ZNF565: variants seen among roughly 807,000 people sequenced by gnomAD.
The protein encoded by ZNF565 is zinc finger protein 565.
ZNF565 carries 27 observed loss-of-function variants against 39.4 expected under a neutral mutation model. That is an observed-to-expected ratio of 0.69 (90% CI 0.51 to 0.95). The LOEUF is 0.95. Among genes scored for constraint, ZNF565 ranks in the 40% least tolerant of loss-of-function variants. ZNF565 has a pLI of 0.00. For synonymous variants in ZNF565, 185 were observed against 216.6 expected, an observed-to-expected ratio of 0.85 and a Z score of 1.28; for missense variants, 524 against 621.1, an observed-to-expected ratio of 0.84 and a Z score of 1.66.
chr19:36,191,549 G>A (rs937124433), intron 4 of ZNF565, among the ~76,000 whole-genome samples: 2 of 152,110 alleles, frequency 1.3e-5, no homozygotes, highest in African/African-American at 4.8e-5. Flanking sequence ...GAGAATGTGG[G>A]TGTGTTGAGA....
intron 1 of ZNF565, among the ~76,000 whole-genome samples, chr19:36,228,994 C>G (rs4806284): frequency 0.28 from 43,126 of 152,070 alleles, 6,979 homozygotes; most frequent in African/African-American, 0.45. Flanking sequence ...TATTCTTCTT[C>G]TTTCACCAGA....
chr19:36,243,476 A>G (rs768460895), intron 1 of ZNF565, among the ~76,000 whole-genome samples: 2 of 152,344 alleles, frequency 1.3e-5, no homozygotes, highest in Non-Finnish European at 2.9e-5. Context: ...GAAGATTCAG[A>G]AATACAAGTA....
upstream of ZNF565, among the ~76,000 whole-genome samples, chr19:36,216,298 A>G (rs1976602729): frequency 6.6e-6 from 1 of 152,128 alleles, no homozygotes; most frequent in African/African-American, 2.4e-5. Context: ...AAATAAATAT[A>G]CCATGTGACA....
At chr19:36,190,053 C>A (rs1193191162) in intron 4 of ZNF565, among the ~76,000 whole-genome samples, 1 of 151,854 alleles carries the variant, frequency 6.6e-6, no homozygotes, top group South Asian at 2.1e-4. Context: ...AGACTGGTTT[C>A]GAACTCCTGA....
upstream of ZNF565, among the ~76,000 whole-genome samples, chr19:36,218,505 G>A (rs926790654): frequency 2.7e-5 from 4 of 150,844 alleles, no homozygotes; most frequent in South Asian, 2.1e-4. Flanking sequence ...TCTCACTGTC[G>A]CCCAGGCTGC....
intron 4 of ZNF565, among the ~76,000 whole-genome samples, chr19:36,186,209 C>T (rs2145299082): frequency 6.6e-6 from 1 of 152,248 alleles, no homozygotes; most frequent in East Asian, 1.9e-4. Context: ...GTTAGCTAGG[C>T]TGGTCTCCTG....
chr19:36,193,045 G>A (rs1252420756), intron 4 of ZNF565, among the ~76,000 whole-genome samples: 1 of 152,114 alleles, frequency 6.6e-6, no homozygotes, highest in Admixed American at 6.6e-5. Flanking sequence ...GCCCAGGCTG[G>A]AGTGCAGTGG....
chr19:36,237,142 T>C (rs758267592), intron 1 of ZNF565: 5 of 1,614,118 alleles, frequency 3.1e-6, no homozygotes. Context: ...TGAGAAGCCA[T>C]ACAGGGGAGA....
chr19:36,188,711 C>CAAAAA (rs537452721), intron 4 of ZNF565, among the ~76,000 whole-genome samples: 1 of 76,038 alleles, frequency 1.3e-5, no homozygotes, highest in Non-Finnish European at 2.8e-5. Context: ...GACTCCGTCT[C>CAAAAA]AAAAAAAAAA....
intron 1 of ZNF565, among the ~76,000 whole-genome samples, chr19:36,206,606 G>A (rs576108575): frequency 8.5e-5 from 13 of 152,262 alleles, no homozygotes; most frequent in Non-Finnish European, 1.6e-4. Flanking sequence ...CGAGGCACGC[G>A]GATCACTTGA....
At position 36,195,093 on chromosome 19, in the gene ZNF565, G is replaced by C. The variant is rs762072516; in HGVS notation, c.73C>G (p.Pro25Ala). The C allele has an allele frequency of 3.4e-5, 55 of 1,614,034 alleles. No individual in the cohort carries two copies. The highest frequency in any genetic ancestry group is 4.6e-5 in the Non-Finnish European group (54 of 1,180,044). The change falls in exon 3 of 5, where the codon CCT becomes GCT. Residue 25 changes from proline to alanine, a missense_variant. By Grantham distance (27) the Pro-to-Ala change is conservative. Coordinates refer to ENST00000304116, the MANE Select transcript of ZNF565 (RefSeq NM_152477.5). ...TCCCTGTACAAGTCCCTCTGAGCAG[G>C]TTCCAGGCACTTCCATTCTTCCAGA... The part of the protein sequence containing the change: ...FSLEEWKCLE[P>A]AQRDLYREVT...
At position 36,183,745 on chromosome 19, in the gene ZNF565, G is replaced by A; in HGVS notation, c.233-12C>T. 1.3e-6 allele frequency: 2 copies of A among 1,592,568 alleles called. No individual in the cohort carries two copies. Among genetic ancestry groups the A allele is most frequent in the Admixed American group, 1.8e-5 (1 of 54,494 alleles). On this transcript the variant is annotated splice_polypyrimidine_tract_variant and intron_variant, in intron 4 of 4. Coordinates refer to ENST00000304116, the MANE Select transcript of ZNF565 (RefSeq NM_152477.5). ...CCTGGACTCCAAGTCTGAAAAATAA[G>A]AAAAAGATAAATACAAGCTGTGATC...
intron 1 of ZNF565, among the ~76,000 whole-genome samples, chr19:36,210,918 A>T (rs1468550788): frequency 6.6e-6 from 1 of 152,126 alleles, no homozygotes; most frequent in Non-Finnish European, 1.5e-5. Flanking sequence ...AATAATAAAA[A>T]TAGTAAATAA....
At chr19:36,230,592 C>G (rs1977291045) in intron 1 of ZNF565, among the ~76,000 whole-genome samples, 1 of 152,072 alleles carries the variant, frequency 6.6e-6, no homozygotes, top group African/African-American at 2.4e-5. Flanking sequence ...GGTGGAAGAT[C>G]ATTAGCCAGA....
intron 1 of ZNF565, among the ~76,000 whole-genome samples, chr19:36,222,838 C>CT (rs371500908): frequency 0.052 from 4,104 of 78,194 alleles, 209 homozygotes; most frequent in African/African-American, 0.15. Flanking sequence ...ACAGTGGTTT[C>CT]TTTTTTTTTT....
chr19:36,182,351 T>C lies in ZNF565; in HGVS notation c.*115A>G, dbSNP rs1975115232. ...GTGTGAGTTTTCTGATGTTCTATGA[T>C]GGAAGTGACAGGTGTTTTCTGACAT... On this transcript the variant is annotated 3_prime_UTR_variant, in exon 5 of 5. Transcript: ENST00000304116. 1 of 831,592 alleles carries C rather than the reference T, an allele frequency of 1.2e-6. No homozygotes were observed. Among genetic ancestry groups the C allele is most frequent in the African/African-American group, 1.7e-5 (1 of 58,908 alleles). The allele number at this position is 831,592 out of a possible 1,614,324, so 51.5% of individuals were successfully genotyped here.
chr19:36,191,468 G>A (rs1975540039), intron 4 of ZNF565, among the ~76,000 whole-genome samples: 1 of 151,948 alleles, frequency 6.6e-6, no homozygotes, highest in Admixed American at 6.6e-5. Context: ...TGATTTCAGG[G>A]CTGAGGCAGG....
rs1435005968 is a variant in ZNF565, at chr19:36,190,882, C to G, written c.232+3351G>C. 2.7e-5 allele frequency among the ~76,000 whole-genome samples: 4 copies of G among 150,496 alleles called. No homozygotes were observed. The East Asian group carries it at 7.9e-4, about 30-fold the overall frequency. On this transcript the variant is annotated intron_variant, in intron 4 of 4. Coordinates refer to ENST00000304116, the MANE Select transcript of ZNF565 (RefSeq NM_152477.5). The stretch of plus-strand genomic sequence containing the variant: ...TGGCGCACTCCTGTATTCCCAACTA[C>G]TTGGGAAGCTGAGGCAGGAGAATTG...
chr19:36,199,576 C>T (rs1426177743), intron 2 of ZNF565, among the ~76,000 whole-genome samples: 2 of 144,456 alleles, frequency 1.4e-5, no homozygotes, highest in Admixed American at 7.5e-5. Flanking sequence ...GGCATGATCT[C>T]GGCTCACTGC....
Sources: gnomAD v4.1 joint callset for allele counts (sites outside exome capture counted in the v4.1 genomes callset) on GRCh38, gnomAD v4.1.1 for gene constraint, MANE v1.5 for transcripts, NCBI Gene and HGNC (gene_info 2026-07-23, HGNC 2026-07-21) for gene names.